PPT2: variants seen among roughly 807,000 people sequenced by gnomAD.
The protein encoded by PPT2 is palmitoyl-protein thioesterase 2.
Under a neutral mutation model 37.3 loss-of-function variants are expected in PPT2, and 20 were observed. The ratio of observed to expected loss-of-function variants is 0.54; its 90% CI spans 0.38 to 0.78. The LOEUF (loss-of-function observed/expected upper bound fraction) is 0.78. Among genes scored for constraint, PPT2 ranks in the 30% least tolerant of loss-of-function variants. The pLI is 0.00. For synonymous variants in PPT2, 135 were observed against 159.1 expected, an observed-to-expected ratio of 0.85 and a Z score of 1.14; for missense variants, 270 against 389.8, an observed-to-expected ratio of 0.69 and a Z score of 2.59.
rs1016327923 is a variant in PPT2, at chr6:32,155,288, C to T, written c.337+105C>T. 3 of 1,340,460 alleles carry T rather than the reference C, an allele frequency of 2.2e-6. No homozygotes were observed. In the African/African-American group the frequency reaches 4.4e-5, roughly 20 times the overall value. The allele number at this position is 1,340,460 out of a possible 1,614,324, so 83.0% of individuals were successfully genotyped here. A position where few individuals can be genotyped will look rare whatever the true frequency, so the allele number is the denominator to read the frequency against. On this transcript the variant is annotated intron_variant, in intron 3 of 8. Transcript: ENST00000324816. This position sits in a 1 kb window ranked among gnomAD's most constrained non-coding sequence, Gnocchi z 4.3. ...TTTTTCTGAACCACATTGCTCCAGG[C>T]ACAACCCTGGTACCTGAGCCCTTCC... is the stretch of plus-strand genomic sequence containing the variant.
At position 32,154,647 on chromosome 6, in the gene PPT2, T is replaced by C; in HGVS notation, c.53T>C (p.Leu18Ser). ...RLPAAWVLLL[L>S]PFLPLLLLAA... ...CCCGCGGCGTGGGTCCTGCTTCTGTTGCCTTTCCTGCCGCTGCTGCTGCTT... is the reference window on the plus strand; with the variant it reads ...CCCGCGGCGTGGGTCCTGCTTCTGTCGCCTTTCCTGCCGCTGCTGCTGCTT... Residue 18 changes from leucine (L) to serine (S), a missense_variant, in exon 2 of 9, where the codon TTG becomes TCG. By Grantham distance (145) the Leu-to-Ser change is moderately radical. Transcript: ENST00000324816. This position sits in a 1 kb window ranked among gnomAD's most constrained non-coding sequence, Gnocchi z 7.3. 1 of 1,612,876 alleles carries C rather than the reference T, an allele frequency of 6.2e-7. No individual in the cohort carries two copies. The highest frequency in any genetic ancestry group is 8.5e-7 in the Non-Finnish European group (1 of 1,179,944).
chr6:32,154,567 C>T lies in PPT2; in HGVS notation c.-8-20C>T. Reference sequence around the variant, plus strand: ...GGGTGTTGCCATCTCCCTCACATGCCCTTATCACCCCTTTCTCAGGCGGGA... The same window carrying T: ...GGGTGTTGCCATCTCCCTCACATGCTCTTATCACCCCTTTCTCAGGCGGGA... On this transcript the variant is annotated intron_variant, in intron 1 of 8. Coordinates refer to ENST00000324816, the MANE Select transcript of PPT2 (RefSeq NM_005155.7). This position sits in a 1 kb window ranked among gnomAD's most constrained non-coding sequence, Gnocchi z 7.3. 3 of 1,596,434 alleles carry T rather than the reference C, an allele frequency of 1.9e-6. No homozygotes were observed. The highest frequency in any genetic ancestry group is 2.2e-5 in the East Asian group (1 of 44,584).
upstream of PPT2, chr6:32,153,959 C>A: frequency 7.3e-7 from 1 of 1,370,058 alleles, no homozygotes; most frequent in Non-Finnish European, 9.4e-7. This position sits in a 1 kb window ranked among gnomAD's most constrained non-coding sequence, Gnocchi z 4.4. Context: ...TTCCTCTCCC[C>A]ACTGGCCTAA....
Position 32,162,991 on chromosome 6 carries a change from A to G in PPT2, c.*41A>G. 2 of 1,570,172 alleles carry G rather than the reference A, an allele frequency of 1.3e-6. No homozygotes were observed. The highest frequency in any genetic ancestry group is 1.7e-6 in the Non-Finnish European group (2 of 1,155,014). On this transcript the variant is annotated 3_prime_UTR_variant, in exon 9 of 9. Transcript: ENST00000324816. This position sits in a 1 kb window ranked among gnomAD's most constrained non-coding sequence, Gnocchi z 5.5. ...TCCCCAGGAACTCCTCGGTCCAGAG[A>G]CCAAGTGGTGGCCTTGGAAAGCAGA...
intron 7 of PPT2, among the ~76,000 whole-genome samples, chr6:32,159,767 G>T (rs1465828792): frequency 6.6e-6 from 1 of 150,796 alleles, no homozygotes; most frequent in Non-Finnish European, 1.5e-5. Flanking sequence ...TGTCGCCCAG[G>T]CTAGAGTGTA....
intron 7 of PPT2, among the ~76,000 whole-genome samples, chr6:32,160,590 C>G (rs1784090671): frequency 6.6e-6 from 1 of 151,410 alleles, no homozygotes; most frequent in African/African-American, 2.4e-5. Context: ...AACTTGAAAC[C>G]AGGAGGCGGA....
chr6:32,157,374 G>A (rs377123446), intron 5 of PPT2: 6 of 529,158 alleles, frequency 1.1e-5, no homozygotes, highest in Admixed American at 3.2e-5. Context: ...CACCACGCCT[G>A]GCTAACTTTT....
At position 32,156,950 on chromosome 6, in the gene PPT2, G is replaced by GTCT. The variant is rs1783839986; in HGVS notation, c.542-686_542-685insCTT. Among the ~76,000 whole-genome samples the GTCT allele has an allele frequency of 6.6e-6, 1 of 151,502 alleles. No homozygotes were observed. Among genetic ancestry groups the GTCT allele is most frequent in the South Asian group, 2.1e-4 (1 of 4,804 alleles). On this transcript the variant is annotated intron_variant, in intron 5 of 8. Coordinates refer to ENST00000324816, the MANE Select transcript of PPT2 (RefSeq NM_005155.7). This position sits in a 1 kb window ranked among gnomAD's most constrained non-coding sequence, Gnocchi z 4.9. ...AATCCCAATATCTTGGCAGGGGGAG[G>GTCT]TGGGCGCATCACCTGAGGTCGGGTT...
chr6:32,154,567 C>G lies in PPT2; in HGVS notation c.-8-20C>G, dbSNP rs1783600077. 8 of 1,596,316 alleles carry G rather than the reference C, an allele frequency of 5.0e-6. 1 individual carries two copies. Among genetic ancestry groups the G allele is most frequent in the South Asian group, 4.5e-5 (4 of 89,606 alleles). On this transcript the variant is annotated intron_variant, in intron 1 of 8. Coordinates refer to ENST00000324816, the MANE Select transcript of PPT2 (RefSeq NM_005155.7). This position sits in a 1 kb window ranked among gnomAD's most constrained non-coding sequence, Gnocchi z 7.3. ...GGGTGTTGCCATCTCCCTCACATGC[C>G]CTTATCACCCCTTTCTCAGGCGGGA...
Position 32,155,990 on chromosome 6 carries a change from T to C in PPT2, c.541+12T>C. Reference sequence around the variant, plus strand: ...CAACTACTGGCATGGTGAGTGGGGATGCTGAACTGGGGCTTCCATGGATCA... The same window carrying C: ...CAACTACTGGCATGGTGAGTGGGGACGCTGAACTGGGGCTTCCATGGATCA... On this transcript the variant is annotated intron_variant, in intron 5 of 8. Coordinates refer to ENST00000324816, the MANE Select transcript of PPT2 (RefSeq NM_005155.7). This position sits in a 1 kb window ranked among gnomAD's most constrained non-coding sequence, Gnocchi z 4.3. 6.3e-7 allele frequency: 1 copy of C among 1,597,322 alleles called. No individual in the cohort carries two copies. The highest frequency in any genetic ancestry group is 1.3e-5 in the African/African-American group (1 of 74,694).
intron 6 of PPT2, 58 bp downstream of exon 6, chr6:32,157,778 T>A: frequency 6.4e-7 from 1 of 1,570,600 alleles, no homozygotes; most frequent in Non-Finnish European, 8.8e-7. Context: ...TCCCTATGTC[T>A]CCCTCTCCAA....
Position 32,162,685 on chromosome 6 carries a change from T to G in PPT2, c.765+63T>G, listed in dbSNP as rs772619604. 1.9e-6 allele frequency: 3 copies of G among 1,574,472 alleles called. No homozygotes were observed. The highest frequency in any genetic ancestry group is 2.6e-6 in the Non-Finnish European group (3 of 1,143,994). ...TCCCACCTTATTCCAGAGCCCTCTC[T>G]GTGACTCCTGAGCTGAAGGGTTCAC... is the stretch of plus-strand genomic sequence containing the variant. On this transcript the variant is annotated intron_variant, in intron 8 of 8. Transcript: ENST00000324816. This position sits in a 1 kb window ranked among gnomAD's most constrained non-coding sequence, Gnocchi z 5.5.
chr6:32,154,630 G>C lies in PPT2; in HGVS notation c.36G>C (p.Ala12=). The C allele has an allele frequency of 6.2e-7, 1 of 1,612,396 alleles. No individual in the cohort carries two copies. Among genetic ancestry groups the C allele is most frequent in the Non-Finnish European group, 8.5e-7 (1 of 1,179,668 alleles). ...TCTGCGGGCAGCGGCTCCCCGCGGC[G>C]TGGGTCCTGCTTCTGTTGCCTTTCC... The part of the protein sequence containing the change: ...LGLCGQRLPA[A]WVLLLLPFLP... Residue 12 remains alanine (A), a synonymous_variant, in exon 2 of 9, where the codon GCG becomes GCC. Transcript: ENST00000324816. This position sits in a 1 kb window ranked among gnomAD's most constrained non-coding sequence, Gnocchi z 7.3.
rs892844191 is a variant in PPT2 at position 32,156,095 on chromosome 6, C to T, written c.541+117C>T. 6 of 869,256 alleles carry T rather than the reference C, an allele frequency of 6.9e-6. No homozygotes were observed. The highest frequency in any genetic ancestry group is 4.8e-5 in the Admixed American group (2 of 41,304). The allele number at this position is 869,256 out of a possible 1,614,324, so 53.8% of individuals were successfully genotyped here. On this transcript the variant is annotated intron_variant, in intron 5 of 8. Transcript: ENST00000324816. The surrounding 1 kb of genome is among the most constrained non-coding windows in gnomAD (Gnocchi z 4.9). ...ACTTACATTTATTGAGTTATTTGAACAGGCTCTGTTCAGAATTTTTTTTTT... is the reference window on the plus strand; with the variant it reads ...ACTTACATTTATTGAGTTATTTGAATAGGCTCTGTTCAGAATTTTTTTTTT...
At position 32,155,146 on chromosome 6, in the gene PPT2, G is replaced by T; in HGVS notation, c.300G>T (p.Lys100Asn). 3 of 1,613,104 alleles carry T rather than the reference G, an allele frequency of 1.9e-6. No individual in the cohort carries two copies. Among genetic ancestry groups the T allele is most frequent in the Non-Finnish European group, 1.7e-6 (2 of 1,179,998 alleles). The change falls in exon 3 of 9, where the codon AAG becomes AAT. Residue 100 changes from lysine to asparagine, a missense_variant. Lys to Asn is a moderately conservative substitution (Grantham distance 94, BLOSUM62 0). Transcript: ENST00000324816. This position sits in a 1 kb window ranked among gnomAD's most constrained non-coding sequence, Gnocchi z 4.3. Reference protein sequence around the residue: ...FREAVVPIMAKAPQGVHLICY... With the variant: ...FREAVVPIMANAPQGVHLICY... ...AGGCTGTGGTCCCCATCATGGCAAAGGCCCCTCAAGGGGTGCATCTCATCT... is the reference window on the plus strand; with the variant it reads ...AGGCTGTGGTCCCCATCATGGCAAATGCCCCTCAAGGGGTGCATCTCATCT...
At chr6:32,153,634 G>A (rs143057378), upstream of PPT2, 4 of 1,111,878 alleles carry the variant, frequency 3.6e-6, no homozygotes, top group South Asian at 3.7e-5. The surrounding 1 kb of genome is among the most constrained non-coding windows in gnomAD (Gnocchi z 4.4). Context: ...AGAATGAAGA[G>A]TTGTAAGTCG....
chr6:32,154,977 G>T lies in PPT2; in HGVS notation c.184-53G>T. 6.2e-7 allele frequency: 1 copy of T among 1,608,372 alleles called. No homozygotes were observed. Among genetic ancestry groups the T allele is most frequent in the African/African-American group, 1.3e-5 (1 of 74,884 alleles). ...CTGTGGACGCGGGCCAGGGGGTGGCGTGTGGGAGCTTCTTAGCCTATCCCC... is the reference window on the plus strand; with the variant it reads ...CTGTGGACGCGGGCCAGGGGGTGGCTTGTGGGAGCTTCTTAGCCTATCCCC... On this transcript the variant is annotated intron_variant, in intron 2 of 8. Coordinates refer to ENST00000324816, the MANE Select transcript of PPT2 (RefSeq NM_005155.7). This position sits in a 1 kb window ranked among gnomAD's most constrained non-coding sequence, Gnocchi z 7.3.
At position 32,154,794 on chromosome 6, in the gene PPT2, C is replaced by T; in HGVS notation, c.183+17C>T. 6.2e-7 allele frequency: 1 copy of T among 1,607,610 alleles called. No homozygotes were observed. Among genetic ancestry groups the T allele is most frequent in the Non-Finnish European group, 8.5e-7 (1 of 1,175,720 alleles). On this transcript the variant is annotated intron_variant, in intron 2 of 8. Coordinates refer to ENST00000324816, the MANE Select transcript of PPT2 (RefSeq NM_005155.7). The surrounding 1 kb of genome is among the most constrained non-coding windows in gnomAD (Gnocchi z 7.3). The stretch of plus-strand genomic sequence containing the variant: ...ATCAATGAGGTCTGGCAGGGGACAC[C>T]TGGGTGCAGGGCGTTAGAGGCGTCT...
chr6:32,155,632 G>T lies in PPT2; in HGVS notation c.338-56G>T. ...TGTGTGTGTGTGGTGGGGGTGGGGG[G>T]TGCTGCTGGCTTTGCTGTCCTTAAG... On this transcript the variant is annotated intron_variant, in intron 3 of 8. Transcript: ENST00000324816. This position sits in a 1 kb window ranked among gnomAD's most constrained non-coding sequence, Gnocchi z 4.3. The T allele has an allele frequency of 7.8e-7, 1 of 1,286,744 alleles. No homozygotes were observed. The highest frequency in any genetic ancestry group is 1.1e-6 in the Non-Finnish European group (1 of 887,436). 79.7% of individuals were successfully genotyped at this position (1,286,744 alleles called of 1,614,324 possible). A position where few individuals can be genotyped will look rare whatever the true frequency, so the allele number is the denominator to read the frequency against.
Sources: gnomAD v4.1 joint callset for allele counts (sites outside exome capture counted in the v4.1 genomes callset) on GRCh38, gnomAD v4.1.1 for gene constraint, Gnocchi (gnomAD v3.1) non-coding constraint, MANE v1.5 for transcripts, NCBI Gene and HGNC (gene_info 2026-07-23, HGNC 2026-07-21) for gene names.